Variants in MYCBP2 observed in about 807,000 individuals in gnomAD.
MYCBP2 encodes the protein E3 ubiquitin-protein ligase MYCBP2.
In MYCBP2, 120 loss-of-function variants were observed where a neutral mutation model predicts 525.3. That is an observed-to-expected ratio of 0.23 (90% confidence interval 0.20 to 0.27). The LOEUF (loss-of-function observed/expected upper bound fraction) is 0.27, where lower values mean the gene tolerates loss of function less well. Among genes scored for constraint, MYCBP2 ranks in the 10% least tolerant of loss-of-function variants. The pLI is 1.00. For synonymous variants in MYCBP2, 1,894 were observed against 1,955.8 expected (o/e 0.97, Z 0.83); for missense variants, 4,149 against 5,657.1 (o/e 0.73, Z 8.55).
intron 1 of MYCBP2, among the ~76,000 whole-genome samples, chr13:77,302,871 T>C (rs1158040750): frequency 6.6e-6 from 1 of 152,236 alleles, no homozygotes; most frequent in African/African-American, 2.4e-5. Context: ...ATAACACTCC[T>C]AAATTTGAAT....
At chr13:77,061,856 A>C in intron 74 of MYCBP2, 66 bp from the exon 75 acceptor site, 1 of 1,408,610 alleles carries the variant, frequency 7.1e-7, no homozygotes, top group Non-Finnish European at 9.4e-7. Context: ...TACAAATTGA[A>C]TATAATTTAT....
chr13:77,242,877 T>C (rs533138950), intron 17 of MYCBP2, among the ~76,000 whole-genome samples, 182 bp downstream of exon 17: 1 of 152,324 alleles, frequency 6.6e-6, no homozygotes, highest in South Asian at 2.1e-4. Flanking sequence ...CCTAAACGTA[T>C]GTTATTAGAA....
At position 77,172,646 on chromosome 13, in the gene MYCBP2, A is replaced by T. The variant is rs912533656; in HGVS notation, c.5652-1012T>A. ...GTCACATTTAGGACATTTTAGAAGTACAGCTGACAGGACTTCTTGATGAAC... is the reference window on the plus strand; with the variant it reads ...GTCACATTTAGGACATTTTAGAAGTTCAGCTGACAGGACTTCTTGATGAAC... On this transcript the variant is annotated intron_variant, in intron 37 of 82. Transcript: ENST00000544440. Among the ~76,000 whole-genome samples, 3 of 152,186 alleles carry T rather than the reference A, an allele frequency of 2.0e-5. No individual in the cohort carries two copies. In the South Asian group the frequency reaches 6.2e-4, roughly 32 times the overall value.
chr13:77,118,229 C>T (rs2050110148), intron 55 of MYCBP2: 3 of 593,806 alleles, frequency 5.1e-6, no homozygotes, highest in Non-Finnish European at 9.0e-6. Flanking sequence ...GGATAACATC[C>T]TAATTAAAAA....
chr13:77,045,612 C>A, intron 82 of MYCBP2, 119 bp from the exon 83 acceptor site: 1 of 660,322 alleles, frequency 1.5e-6, no homozygotes. Flanking sequence ...TATGGTTATA[C>A]AAATATAACA....
chr13:77,176,769 A>C (rs954866591), intron 35 of MYCBP2, 141 bp from the exon 36 acceptor site: 1 of 614,334 alleles, frequency 1.6e-6, no homozygotes. Flanking sequence ...ATACATATGA[A>C]AGAAAAAGTT....
chr13:77,073,002 T>C (rs1031117600), intron 68 of MYCBP2, among the ~76,000 whole-genome samples: 4 of 152,216 alleles, frequency 2.6e-5, no homozygotes, highest in Non-Finnish European at 4.4e-5. Flanking sequence ...TATTGAGATA[T>C]AGTTCACATA....
At position 77,098,585 on chromosome 13, in the gene MYCBP2, G is replaced by A. The variant is rs751101872; in HGVS notation, c.8569C>T (p.Pro2857Ser). ...DKNLPQKSTA[P>S]VKTKLDPPRE... ...GGAGGATCAAGCTTTGTCTTAACAG[G>A]AGCAGTACTTTTTTGAGGTAGATTT... The change falls in exon 56 of 83, where the codon CCT becomes TCT. Residue 2857 changes from proline (P) to serine (S), a missense_variant. Coordinates refer to ENST00000544440, the MANE Select transcript of MYCBP2 (RefSeq NM_015057.5). 1.1e-5 allele frequency: 18 copies of A among 1,613,678 alleles called. No homozygotes were observed. In the Admixed American group the frequency reaches 2.0e-4, roughly 18 times the overall value.
At chr13:77,052,512 C>T (rs1032088312) in intron 80 of MYCBP2, among the ~76,000 whole-genome samples, 1 of 152,232 alleles carries the variant, frequency 6.6e-6, no homozygotes, top group African/African-American at 2.4e-5. Context: ...GCTATTTCGA[C>T]TCTCAAATGG....
chr13:77,252,480 C>T (rs2071387420), intron 14 of MYCBP2, among the ~76,000 whole-genome samples: 1 of 152,118 alleles, frequency 6.6e-6, no homozygotes, highest in African/African-American at 2.4e-5. Context: ...TTTGAAGGAA[C>T]ACAGTGTTAT....
chr13:77,173,714 C>T (rs1194103561), intron 37 of MYCBP2, among the ~76,000 whole-genome samples: 2 of 152,038 alleles, frequency 1.3e-5, no homozygotes, highest in African/African-American at 2.4e-5. Flanking sequence ...CCAGCTTTGC[C>T]GCTACAAGAA....
intron 73 of MYCBP2, among the ~76,000 whole-genome samples, chr13:77,063,610 T>TA (rs2039713709): frequency 6.7e-6 from 1 of 150,068 alleles, no homozygotes; most frequent in Non-Finnish European, 1.5e-5. Flanking sequence ...TAGTTAAAAA[T>TA]TTCTGAGGCT....
intron 55 of MYCBP2, among the ~76,000 whole-genome samples, chr13:77,112,067 A>G (rs1026046426): frequency 1.4e-4 from 21 of 152,062 alleles, no homozygotes; most frequent in African/African-American, 4.3e-4. Context: ...AATATTTGAC[A>G]TATGTTAGCT....
intron 72 of MYCBP2, 135 bp downstream of exon 72, chr13:77,065,857 G>A: frequency 1.9e-6 from 1 of 518,472 alleles, no homozygotes; most frequent in Non-Finnish European, 3.4e-6. Context: ...CAAACAGCAT[G>A]ATAGTTAACA....
rs2082357306 is a variant in MYCBP2, at chr13:77,326,683, G to A, written c.93C>T (p.Ser31=). ...GFYPAATFSS[S]PAPGALFMPV... ...GCATGAACAGCGCCCCCGGCGCCGG[G>A]GAGGAAGAGAAGGTGGCGGCTGGGT... is the stretch of plus-strand genomic sequence containing the variant. Residue 31 remains serine, a synonymous_variant, in exon 1 of 83, where the codon TCC becomes TCT. Transcript: ENST00000544440. This position sits in a 1 kb window ranked among gnomAD's most constrained non-coding sequence, Gnocchi z 4.2. The A allele has an allele frequency of 2.7e-6, 4 of 1,455,554 alleles. No homozygotes were observed. Among genetic ancestry groups the A allele is most frequent in the South Asian group, 1.4e-5 (1 of 73,752 alleles). The allele number at this position is 1,455,554 out of a possible 1,614,324, so 90.2% of individuals were successfully genotyped here. A position where few individuals can be genotyped will look rare whatever the true frequency, so the allele number is the denominator to read the frequency against.
intron 49 of MYCBP2, among the ~76,000 whole-genome samples, chr13:77,141,234 C>A (rs1376211597): frequency 1.3e-5 from 2 of 151,916 alleles, no homozygotes; most frequent in African/African-American, 2.4e-5. Context: ...AAAAAAAGAA[C>A]CCTTGAGAAT....
chr13:77,281,538 G>T (rs542367951), intron 3 of MYCBP2, among the ~76,000 whole-genome samples: 2 of 151,992 alleles, frequency 1.3e-5, no homozygotes, highest in African/African-American at 2.4e-5. Context: ...ATAGTCTTTT[G>T]TAAATTTACT....
chr13:77,276,562 C>CAG (rs1467905332), intron 4 of MYCBP2, among the ~76,000 whole-genome samples: 7 of 152,020 alleles, frequency 4.6e-5, no homozygotes, highest in Non-Finnish European at 8.8e-5. Flanking sequence ...GGATGGAAGA[C>CAG]AGACGAAAGG....
At chr13:77,184,523 G>T (rs903274918) in intron 32 of MYCBP2, among the ~76,000 whole-genome samples, 1 of 152,202 alleles carries the variant, frequency 6.6e-6, no homozygotes, top group African/African-American at 2.4e-5. Flanking sequence ...ATGGTTGACA[G>T]TACTGTTCAA....
Sources: gnomAD v4.1 joint callset for allele counts (sites outside exome capture counted in the v4.1 genomes callset) on GRCh38, gnomAD v4.1.1 for gene constraint, Gnocchi (gnomAD v3.1) non-coding constraint, MANE v1.5 for transcripts, NCBI Gene and HGNC (gene_info 2026-07-23, HGNC 2026-07-21) for gene names.